Variants in PCDHA5 observed in about 807,000 individuals in gnomAD.
The protein encoded by PCDHA5 is protocadherin alpha 5, also known as protocadherin alpha-5.
Under a neutral mutation model 61.6 loss-of-function variants are expected in PCDHA5, and 43 were observed. The ratio of observed to expected loss-of-function variants is 0.70; its 90% CI spans 0.55 to 0.90. The LOEUF is 0.90. PCDHA5 is among the 40% of genes least tolerant of loss of function. The pLI, the probability that PCDHA5 is intolerant of heterozygous loss-of-function variation, is 0.00. For missense variants in PCDHA5, 1,298 were observed against 1,222.7 expected (o/e 1.06, Z -0.92); for synonymous variants, 627 against 543.9 (o/e 1.15, Z -2.13).
intron 1 of PCDHA5, among the ~76,000 whole-genome samples, chr5:140,977,949 G>A (rs919613337): frequency 2.6e-5 from 4 of 152,036 alleles, no homozygotes; most frequent in Admixed American, 6.6e-5. Context: ...TTCAGTGACA[G>A]GGCCACCTCA....
intron 1 of PCDHA5, among the ~76,000 whole-genome samples, chr5:140,880,418 G>T (rs1554171267): frequency 6.6e-6 from 1 of 152,090 alleles, no homozygotes; most frequent in Non-Finnish European, 1.5e-5. Flanking sequence ...CTTAAAAGCG[G>T]GAACAGTTTT....
intron 1 of PCDHA5, chr5:140,966,770 G>C: frequency 2.0e-6 from 3 of 1,500,088 alleles, no homozygotes; most frequent in Non-Finnish European, 2.7e-6. Flanking sequence ...AGTGGCTATG[G>C]AGCAGGCGGG....
At chr5:140,843,524 G>A (rs2150361987) in intron 1 of PCDHA5, 4 of 1,595,982 alleles carry the variant, frequency 2.5e-6, no homozygotes, top group East Asian at 4.5e-5. Flanking sequence ...GTGCCGGGCG[G>A]GCAAGCCCAC....
chr5:140,848,892 T>A (rs2150423742), intron 1 of PCDHA5: 2 of 1,601,494 alleles, frequency 1.2e-6, no homozygotes, highest in East Asian at 2.2e-5. Context: ...CCCTCCAGTG[T>A]TCCCAGCGAC....
chr5:140,849,199 A>T (rs1581177103), intron 1 of PCDHA5: 1 of 1,039,344 alleles, frequency 9.6e-7, no homozygotes, highest in African/African-American at 2.0e-5. Flanking sequence ...GTACTGGACA[A>T]CAATGACAAT....
chr5:140,963,529 C>T (rs1332936829), intron 1 of PCDHA5, among the ~76,000 whole-genome samples: 1 of 152,176 alleles, frequency 6.6e-6, no homozygotes, highest in Non-Finnish European at 1.5e-5. Flanking sequence ...ACAGAAGTCC[C>T]ATTTACTTCA....
intron 1 of PCDHA5, among the ~76,000 whole-genome samples, chr5:140,961,949 T>G (rs868952671): frequency 2.0e-5 from 3 of 151,876 alleles, no homozygotes; most frequent in Non-Finnish European, 4.4e-5. Context: ...AGTGGCATGA[T>G]CTCGGCTCAC....
chr5:140,924,978 T>A (rs2082232142), intron 1 of PCDHA5, among the ~76,000 whole-genome samples: 1 of 151,330 alleles, frequency 6.6e-6, no homozygotes, highest in Non-Finnish European at 1.5e-5. Flanking sequence ...CAGTGGCTCA[T>A]GTCTGTAATC....
chr5:140,920,060 G>T (rs565038135), intron 1 of PCDHA5, among the ~76,000 whole-genome samples: 1 of 152,264 alleles, frequency 6.6e-6, no homozygotes, highest in African/African-American at 2.4e-5. Context: ...CCAACACCTG[G>T]AAAAGGCAGA....
chr5:140,877,721 A>C, intron 1 of PCDHA5: 3 of 1,614,000 alleles, frequency 1.9e-6, no homozygotes, highest in Non-Finnish European at 2.5e-6. Context: ...AGTTGGTCTT[A>C]CTCGCAGCAG....
chr5:140,860,681 T>G (rs2046516125), intron 1 of PCDHA5: 1 of 152,216 alleles, frequency 6.6e-6, no homozygotes, highest in Non-Finnish European at 1.5e-5. Context: ...TGCACTTATG[T>G]TTTGAGCGAC....
chr5:140,938,977 A>C (rs1205824371), intron 1 of PCDHA5, among the ~76,000 whole-genome samples: 1 of 152,190 alleles, frequency 6.6e-6, no homozygotes, highest in Admixed American at 6.5e-5. Flanking sequence ...CATCAAGGCT[A>C]TCCTGGCTTT....
intron 1 of PCDHA5, among the ~76,000 whole-genome samples, chr5:140,951,495 G>A (rs1554219919): frequency 1.3e-5 from 2 of 151,958 alleles, no homozygotes; most frequent in African/African-American, 4.8e-5. Context: ...ATGGTGGAAG[G>A]CAAAAGGAAA....
At chr5:140,984,704 G>A (rs2097116148) in intron 3 of PCDHA5, among the ~76,000 whole-genome samples, 1 of 152,032 alleles carries the variant, frequency 6.6e-6, no homozygotes, top group Non-Finnish European at 1.5e-5. Flanking sequence ...CTGCTTGGAG[G>A]GAATATGGCA....
intron 3 of PCDHA5, among the ~76,000 whole-genome samples, chr5:140,995,110 C>T (rs1047046754): frequency 4.6e-5 from 7 of 152,198 alleles, no homozygotes; most frequent in Non-Finnish European, 7.3e-5. Flanking sequence ...TTCCAAGACC[C>T]TCAGTGGATG....
Position 140,959,507 on chromosome 5 carries a change from T to C in PCDHA5, c.2353-19442T>C, listed in dbSNP as rs144994756. 4.4e-3 allele frequency among the ~76,000 whole-genome samples: 673 copies of C among 152,282 alleles called. 7 individuals are homozygous for C. Among genetic ancestry groups the C allele is most frequent in the African/African-American group, 0.015 (604 of 41,550 alleles). On this transcript the variant is annotated intron_variant, in intron 1 of 3. Coordinates refer to ENST00000529859, the MANE Select transcript of PCDHA5 (RefSeq NM_018908.3). Reference sequence around the variant, plus strand: ...GTTATATATGGATCAAACTAAAAAATTTTAAGATCTTTAAGACCATTAATT... The same window carrying C: ...GTTATATATGGATCAAACTAAAAAACTTTAAGATCTTTAAGACCATTAATT...
At chr5:140,993,996 G>C (rs1163632974) in intron 3 of PCDHA5, among the ~76,000 whole-genome samples, 1 of 152,148 alleles carries the variant, frequency 6.6e-6, no homozygotes, top group Non-Finnish European at 1.5e-5. Flanking sequence ...CTTAGGTCAG[G>C]CCAGGCTCTG....
chr5:140,922,063 A>C (rs1324927848), intron 1 of PCDHA5, among the ~76,000 whole-genome samples: 2 of 152,190 alleles, frequency 1.3e-5, no homozygotes, highest in African/African-American at 4.8e-5. Context: ...AAATGTAGCA[A>C]TCCCACTAAG....
intron 1 of PCDHA5, chr5:140,883,358 C>A (rs1554177826): frequency 6.2e-7 from 1 of 1,614,192 alleles, no homozygotes; most frequent in South Asian, 1.1e-5. Context: ...AGAAGACACT[C>A]AGCCTAGCGC....
Sources: gnomAD v4.1 joint callset for allele counts (sites outside exome capture counted in the v4.1 genomes callset) on GRCh38, gnomAD v4.1.1 for gene constraint, MANE v1.5 for transcripts, NCBI Gene and HGNC (gene_info 2026-07-23, HGNC 2026-07-21) for gene names.